The following NRG1 variants were observed in gnomAD, a reference collection of about 807,000 sequenced individuals.
NRG1 encodes the protein neuregulin 1.
A neutral mutation model predicts 63.8 loss-of-function variants in NRG1; 18 were observed. That is an observed-to-expected ratio of 0.28 (90% CI 0.19 to 0.42). The LOEUF (loss-of-function observed/expected upper bound fraction) is 0.42, where lower values mean the gene tolerates loss of function less well. NRG1 is among the 10% of genes least tolerant of loss of function. The probability of loss-of-function intolerance (pLI) is 1.00; values close to 1 mark genes in which losing one functional copy is unlikely to be tolerated. For synonymous variants in NRG1, 302 were observed against 301.3 expected, an observed-to-expected ratio of 1.00 and a Z score of -0.02; for missense variants, 762 against 814.7, an observed-to-expected ratio of 0.94 and a Z score of 0.79.
At chr8:32,419,453 AGGGGCATCACAAGTGGCT>A (rs1197965305) in intron 1 of NRG1, among the ~76,000 whole-genome samples, 2 of 152,178 alleles carry the variant, frequency 1.3e-5, no homozygotes, top group Middle Eastern at 3.2e-3. Context: ...TCCTCTGTCA[AGGGGCATCACAAGTGGCT>A]GGCCTATATT....
intron 1 of NRG1, among the ~76,000 whole-genome samples, chr8:31,930,686 T>A (rs1217248246): frequency 1.3e-5 from 2 of 152,214 alleles, no homozygotes; most frequent in Non-Finnish European, 2.9e-5. Context: ...GAAGACAACT[T>A]GCTATGTAAC....
intron 1 of NRG1, among the ~76,000 whole-genome samples, chr8:32,070,089 G>A (rs558665203): frequency 7.9e-5 from 12 of 152,252 alleles, no homozygotes; most frequent in African/African-American, 2.4e-4. Context: ...TCTCTGAGAA[G>A]CATTGATCCA....
intron 1 of NRG1, among the ~76,000 whole-genome samples, chr8:31,750,619 C>G (rs1481417081): frequency 1.3e-5 from 2 of 151,898 alleles, no homozygotes; most frequent in South Asian, 2.1e-4. Context: ...AGTAAACTGA[C>G]AGTTCTGTTT....
In NRG1 at chr8:32,678,996, A is replaced by G. The variant is rs183853832; in HGVS notation, c.503-48953A>G. 1.3e-5 allele frequency among the ~76,000 whole-genome samples: 2 copies of G among 150,360 alleles called. 1 individual carries two copies. The highest frequency in any genetic ancestry group is 4.2e-4 in the South Asian group (2 of 4,770). Reference sequence around the variant, plus strand: ...AAAATATAAGAAAAAGAATGGCATTAAAAAAAAAGTAGCCTGACTGGGTGC... The same window carrying G: ...AAAATATAAGAAAAAGAATGGCATTGAAAAAAAAGTAGCCTGACTGGGTGC... On this transcript the variant is annotated intron_variant, in intron 5 of 11. Coordinates refer to ENST00000356819, the Ensembl canonical transcript of NRG1.
chr8:31,984,980 T>G (rs1563648665), intron 1 of NRG1, among the ~76,000 whole-genome samples: 1 of 152,196 alleles, frequency 6.6e-6, no homozygotes, highest in East Asian at 1.9e-4. Context: ...AGACTGCACA[T>G]TCCTTGGGGG....
At chr8:32,139,183 A>G (rs1385289690) in intron 1 of NRG1, 1 of 152,220 alleles carries the variant, frequency 6.6e-6, no homozygotes, top group Non-Finnish European at 1.5e-5. Context: ...TTGGTATGAA[A>G]TCTTTCTTCT....
At chr8:32,553,897 AG>A (rs1834614583) in intron 1 of NRG1, among the ~76,000 whole-genome samples, 1 of 152,174 alleles carries the variant, frequency 6.6e-6, no homozygotes, top group Admixed American at 6.5e-5. Context: ...GAATGGCTAT[AG>A]GTAGTGTTTA....
intron 1 of NRG1, among the ~76,000 whole-genome samples, chr8:32,025,944 TAAAA>T (rs71208160): frequency 3.5e-5 from 4 of 113,450 alleles, no homozygotes; most frequent in Admixed American, 8.9e-5. Flanking sequence ...AGACTCCGTC[TAAAA>T]AAAAAAAAAA....
chr8:31,981,373 C>A (rs1451921271), intron 1 of NRG1, among the ~76,000 whole-genome samples: 1 of 151,934 alleles, frequency 6.6e-6, no homozygotes, highest in Non-Finnish European at 1.5e-5. Context: ...ATAATCAGAG[C>A]AACTTGAATC....
chr8:31,721,286 C>G (rs1196723488), intron 1 of NRG1, among the ~76,000 whole-genome samples: 2 of 152,254 alleles, frequency 1.3e-5, no homozygotes, highest in Middle Eastern at 3.4e-3. Context: ...CTATTCTTTC[C>G]ATAGGATATT....
In NRG1 at chr8:32,399,231, A is replaced by G. The variant is rs1043605110; in HGVS notation, c.38-196597A>G. 7.2e-5 allele frequency among the ~76,000 whole-genome samples: 11 copies of G among 152,222 alleles called. No individual in the cohort carries two copies. In the East Asian group the frequency reaches 1.9e-3, roughly 27 times the overall value. ...TTGAGGGGGATTAATTAGGAAATAT[A>G]AAAGAGTCTCAAACTTCTGATATAA... On this transcript the variant is annotated intron_variant, in intron 1 of 10. Coordinates refer to the NRG1 transcript ENST00000519301.
At chr8:31,975,359 A>AGGAGGTGAGG (rs1184357553) in intron 1 of NRG1, among the ~76,000 whole-genome samples, 6 of 152,172 alleles carry the variant, frequency 3.9e-5, no homozygotes, top group Admixed American at 3.3e-4. Context: ...GAAGAGAATC[A>AGGAGGTGAGG]GGAGGTGAGG....
Position 32,233,132 on chromosome 8 carries a change from C to T in NRG1, c.38-362696C>T, listed in dbSNP as rs185961350. Among the ~76,000 whole-genome samples, 435 of 152,186 alleles carry T rather than the reference C, an allele frequency of 2.9e-3. 1 individual carries two copies. The highest frequency in any genetic ancestry group is 0.01 in the African/African-American group (417 of 41,512). The stretch of plus-strand genomic sequence containing the variant: ...TAGTAGTATTTTGGAGACAGGGTCT[C>T]ACTCTGTTGCCCATGCTGGAGTGCA... On this transcript the variant is annotated intron_variant, in intron 1 of 10. Transcript: ENST00000519301.
chr8:31,985,026 T>A (rs538427682), intron 1 of NRG1, among the ~76,000 whole-genome samples: 39 of 152,188 alleles, frequency 2.6e-4, no homozygotes, highest in African/African-American at 8.9e-4. Context: ...ATGAAATAAC[T>A]CACTTTTCTC....
intron 5 of NRG1, among the ~76,000 whole-genome samples, chr8:32,636,225 G>T (rs997411238): frequency 6.6e-6 from 1 of 151,946 alleles, no homozygotes; most frequent in Non-Finnish European, 1.5e-5. Context: ...GGGGGTGGGG[G>T]CAAAAAGAAG....
intron 1 of NRG1, among the ~76,000 whole-genome samples, chr8:31,675,822 C>G (rs1388319235): frequency 1.3e-5 from 2 of 152,056 alleles, no homozygotes; most frequent in Admixed American, 6.6e-5. Context: ...AATTATTATT[C>G]CTCTTTTACA....
At chr8:32,725,317 G>A (rs934562719) in intron 5 of NRG1, among the ~76,000 whole-genome samples, 2 of 152,066 alleles carry the variant, frequency 1.3e-5, no homozygotes, top group African/African-American at 4.8e-5. Context: ...GCAGGACTGC[G>A]TGGTGACAGC....
chr8:32,104,056 G>T (rs1325780607), intron 1 of NRG1, among the ~76,000 whole-genome samples: 1 of 152,132 alleles, frequency 6.6e-6, no homozygotes, highest in Non-Finnish European at 1.5e-5. Context: ...TAACGACAGG[G>T]ATACTTTGAT....
chr8:31,785,179 G>C (rs1820054818), intron 1 of NRG1, among the ~76,000 whole-genome samples: 2 of 152,138 alleles, frequency 1.3e-5, no homozygotes, highest in African/African-American at 4.8e-5. Context: ...TGATAAGACA[G>C]GCCAGTCAAC....
Sources: gnomAD v4.1 joint callset for allele counts (sites outside exome capture counted in the v4.1 genomes callset) on GRCh38, gnomAD v4.1.1 for gene constraint, MANE v1.5 for transcripts, NCBI Gene and HGNC (gene_info 2026-07-23, HGNC 2026-07-21) for gene names.